Variants in HDAC4 observed in about 807,000 individuals in gnomAD.
HDAC4 encodes histone deacetylase 4, also known as histone deacetylase A.
Under a neutral mutation model 135.1 loss-of-function variants are expected in HDAC4, and 16 were observed. The ratio of observed to expected loss-of-function variants is 0.12; its 90% CI spans 0.08 to 0.18. The LOEUF is 0.18. Among genes scored for constraint, HDAC4 ranks in the 10% least tolerant of loss-of-function variants. The probability of loss-of-function intolerance (pLI) is 1.00; values close to 1 mark genes in which losing one functional copy is unlikely to be tolerated. For synonymous variants in HDAC4, 685 were observed against 653.4 expected (o/e 1.05, Z -0.74); for missense variants, 1,143 against 1,511.8 (o/e 0.76, Z 4.05).
chr2:239,346,872 C>T (rs1441871773), intron 2 of HDAC4, among the ~76,000 whole-genome samples: 3 of 150,336 alleles, frequency 2.0e-5, no homozygotes, highest in African/African-American at 4.9e-5. Context: ...ATCTAAAACA[C>T]ACACACCCTA....
intron 24 of HDAC4, among the ~76,000 whole-genome samples, chr2:239,064,375 G>A (rs900617317): frequency 3.9e-5 from 6 of 152,202 alleles, no homozygotes; most frequent in African/African-American, 1.4e-4. Context: ...GCCCTGTGCT[G>A]CTCCCACTTC....
intron 1 of HDAC4, among the ~76,000 whole-genome samples, chr2:239,395,590 C>A (rs923847200): frequency 6.6e-6 from 1 of 152,120 alleles, no homozygotes; most frequent in African/African-American, 2.4e-5. Flanking sequence ...CTCTACAATA[C>A]CACCATGTAT....
At chr2:239,264,135 T>A (rs748563349) in intron 2 of HDAC4, among the ~76,000 whole-genome samples, 1 of 152,184 alleles carries the variant, frequency 6.6e-6, no homozygotes, top group Non-Finnish European at 1.5e-5. Context: ...GGAGACGGGC[T>A]CTGGCCTCAG....
rs562536745 is a variant in HDAC4, at chr2:239,207,450, C to A, written c.95-17373G>T. 2.0e-5 allele frequency among the ~76,000 whole-genome samples: 3 copies of A among 152,232 alleles called. No individual in the cohort carries two copies. In the South Asian group the frequency reaches 6.2e-4, roughly 32 times the overall value. On this transcript the variant is annotated intron_variant, in intron 3 of 26. Transcript: ENST00000543185. ...ACCAAAATAATTTTAAAAAGTGATTCTCTCAAAAGACCAATACAAGACAAA... is the reference window on the plus strand; with the variant it reads ...ACCAAAATAATTTTAAAAAGTGATTATCTCAAAAGACCAATACAAGACAAA...
chr2:239,240,044 C>T lies in HDAC4; in HGVS notation c.23-3380G>A, dbSNP rs2048089999. ...TTGGTCGTCCACCTGGACAGCATGA[C>T]AGATGCCGCATCCCTCATTATGAAA... is the stretch of plus-strand genomic sequence containing the variant. On this transcript the variant is annotated intron_variant, in intron 2 of 26. Transcript: ENST00000543185. This position sits in a 1 kb window ranked among gnomAD's most constrained non-coding sequence, Gnocchi z 4.5. Among the ~76,000 whole-genome samples, 1 of 152,270 alleles carries T rather than the reference C, an allele frequency of 6.6e-6. No individual in the cohort carries two copies. The highest frequency in any genetic ancestry group is 6.5e-5 in the Admixed American group (1 of 15,288).
intron 2 of HDAC4, among the ~76,000 whole-genome samples, chr2:239,297,248 C>T (rs1481075035): frequency 6.6e-6 from 1 of 152,170 alleles, no homozygotes; most frequent in Admixed American, 6.6e-5. Context: ...TCACCCAAAC[C>T]TTGGCCGCAG....
chr2:239,102,325 C>G (rs143259495), intron 16 of HDAC4, among the ~76,000 whole-genome samples: 1 of 152,224 alleles, frequency 6.6e-6, no homozygotes, highest in African/African-American at 2.4e-5. Context: ...TAAAATTCCC[C>G]TCCACCACCT....
At chr2:239,096,898 G>A (rs557640420) in intron 16 of HDAC4, among the ~76,000 whole-genome samples, 4 of 152,252 alleles carry the variant, frequency 2.6e-5, no homozygotes, top group South Asian at 2.1e-4. Context: ...GAATGGCCAC[G>A]TCCACGGCCC....
intron 12 of HDAC4, among the ~76,000 whole-genome samples, chr2:239,118,279 C>T (rs1015352096): frequency 2.6e-5 from 4 of 152,216 alleles, no homozygotes; most frequent in Admixed American, 6.5e-5. Context: ...AAACGCAGAT[C>T]CATTGTTTAT....
intron 5 of HDAC4, among the ~76,000 whole-genome samples, chr2:239,175,995 G>T (rs2043736612): frequency 6.6e-6 from 1 of 152,092 alleles, no homozygotes; most frequent in Non-Finnish European, 1.5e-5. Context: ...CCTGTCAGGG[G>T]GTGGGGGTCC....
chr2:239,296,173 C>CT (rs1300232540), intron 2 of HDAC4, among the ~76,000 whole-genome samples: 8 of 152,214 alleles, frequency 5.3e-5, no homozygotes, highest in African/African-American at 1.9e-4. Flanking sequence ...CTTGAGCACT[C>CT]TGCTTGTTCA....
At chr2:239,282,826 ACAC>A (rs1035504839) in intron 2 of HDAC4, among the ~76,000 whole-genome samples, 2 of 150,994 alleles carry the variant, frequency 1.3e-5, no homozygotes, top group African/African-American at 4.9e-5. Context: ...CACAATGTAC[ACAC>A]CACTCTACAA....
chr2:239,096,696 C>T (rs2037124114), intron 16 of HDAC4, among the ~76,000 whole-genome samples: 2 of 62,874 alleles, frequency 3.2e-5, no homozygotes, highest in South Asian at 7.0e-4. Context: ...CCCCCACAGA[C>T]ACCCACCCCA....
chr2:239,194,964 T>TATGG (rs1246832527), intron 3 of HDAC4, among the ~76,000 whole-genome samples: 6 of 152,168 alleles, frequency 3.9e-5, no homozygotes, highest in African/African-American at 1.4e-4. Context: ...CGCGTCTCCC[T>TATGG]ACGGACATGG....
chr2:239,275,396 C>G (rs962205581), intron 2 of HDAC4, among the ~76,000 whole-genome samples: 5 of 152,232 alleles, frequency 3.3e-5, no homozygotes, highest in African/African-American at 9.6e-5. Flanking sequence ...ACGGCAGGAG[C>G]CCAGACTTGC....
Position 239,052,985 on chromosome 2 carries a change from G to C in HDAC4, c.*112C>G. On this transcript the variant is annotated 3_prime_UTR_variant, in exon 27 of 27. Coordinates refer to ENST00000543185, the MANE Select transcript of HDAC4 (RefSeq NM_001378414.1). ...TGGCTGTTGCACGCTGGGTGTCCCT[G>C]GGTGCTCCAAGAGAGCCCCACGGTG... is the stretch of plus-strand genomic sequence containing the variant. The C allele has an allele frequency of 3.1e-6, 4 of 1,283,892 alleles. No homozygotes were observed. Among genetic ancestry groups the C allele is most frequent in the Non-Finnish European group, 4.5e-6 (4 of 880,102 alleles). 79.5% of individuals were successfully genotyped at this position (1,283,892 alleles called of 1,614,324 possible).
chr2:239,156,811 A>C, intron 6 of HDAC4, 38 bp from the exon 7 acceptor site: 1 of 1,613,660 alleles, frequency 6.2e-7, no homozygotes, highest in East Asian at 2.2e-5. Flanking sequence ...TAGTTTACCC[A>C]GCGCACTGCC....
At chr2:239,166,893 G>A (rs947966366) in intron 5 of HDAC4, among the ~76,000 whole-genome samples, 4 of 152,240 alleles carry the variant, frequency 2.6e-5, no homozygotes, top group Non-Finnish European at 5.9e-5. Context: ...AAAGAAATAA[G>A]AAGTGAAATG....
chr2:239,107,951 C>T (rs562705518), intron 15 of HDAC4, 99 bp downstream of exon 15: 1 of 1,485,882 alleles, frequency 6.7e-7, no homozygotes, highest in South Asian at 1.1e-5. Context: ...GCCCAAAGAA[C>T]CACCTGCAAA....
Sources: gnomAD v4.1 joint callset for allele counts (sites outside exome capture counted in the v4.1 genomes callset) on GRCh38, gnomAD v4.1.1 for gene constraint, Gnocchi (gnomAD v3.1) non-coding constraint, MANE v1.5 for transcripts, NCBI Gene and HGNC (gene_info 2026-07-23, HGNC 2026-07-21) for gene names.